PRKCE: variants seen among roughly 807,000 people sequenced by gnomAD.
PRKCE encodes the protein protein kinase C epsilon.
A neutral mutation model predicts 85.4 loss-of-function variants in PRKCE; 16 were observed. The observed-to-expected ratio is 0.19, with a 90% CI of 0.13 to 0.28. The LOEUF (loss-of-function observed/expected upper bound fraction) is 0.28, where lower values mean the gene tolerates loss of function less well. Among genes scored for constraint, PRKCE ranks in the 10% least tolerant of loss-of-function variants. PRKCE has a pLI of 1.00. For missense variants in PRKCE, 573 were observed against 975.2 expected (o/e 0.59, Z 5.49); for synonymous variants, 388 against 371.5 (o/e 1.04, Z -0.51).
chr2:45,776,202 C>T (rs1441681885), intron 1 of PRKCE, among the ~76,000 whole-genome samples: 1 of 152,204 alleles, frequency 6.6e-6, no homozygotes, highest in Non-Finnish European at 1.5e-5. Context: ...GAATTCTGTG[C>T]ATAACATGGG....
intron 2 of PRKCE, among the ~76,000 whole-genome samples, chr2:45,913,108 G>T (rs565701442): frequency 1.3e-5 from 2 of 152,358 alleles, no homozygotes; most frequent in South Asian, 4.1e-4. Context: ...AGAAGGTGCT[G>T]TCAGAGAGCA....
intron 10 of PRKCE, among the ~76,000 whole-genome samples, chr2:46,057,216 C>T (rs187861455): frequency 5.3e-5 from 8 of 152,288 alleles, no homozygotes; most frequent in African/African-American, 1.2e-4. Context: ...GTCTTCATGA[C>T]GTACTCTCAG....
chr2:45,970,672 T>C (rs1198833915), intron 2 of PRKCE, among the ~76,000 whole-genome samples: 4 of 152,060 alleles, frequency 2.6e-5, no homozygotes, highest in African/African-American at 4.8e-5. Flanking sequence ...TTGGGGAAAT[T>C]CAAATATGAA....
chr2:46,075,142 G>A (rs537927098), intron 10 of PRKCE, among the ~76,000 whole-genome samples: 2 of 152,080 alleles, frequency 1.3e-5, no homozygotes, highest in South Asian at 4.1e-4. Flanking sequence ...CTGGTTTCAC[G>A]CCGTTCTCCT....
chr2:45,820,037 A>G (rs569204248), intron 1 of PRKCE, among the ~76,000 whole-genome samples: 1 of 152,298 alleles, frequency 6.6e-6, no homozygotes, highest in African/African-American at 2.4e-5. Context: ...GTACTTTTAC[A>G]GGACTGAGAT....
intron 2 of PRKCE, among the ~76,000 whole-genome samples, chr2:45,885,001 A>ATATTT (rs1342824133): frequency 1.4e-5 from 1 of 71,544 alleles, no homozygotes; most frequent in Non-Finnish European, 2.7e-5. Flanking sequence ...ATATATATAT[A>ATATTT]TTTGTTGTTG....
At chr2:46,173,393 G>T (rs890445078) in intron 14 of PRKCE, among the ~76,000 whole-genome samples, 1 of 152,218 alleles carries the variant, frequency 6.6e-6, no homozygotes, top group Non-Finnish European at 1.5e-5. Flanking sequence ...GGCAACCCTT[G>T]CTCCAGGGGT....
chr2:45,778,783 C>A (rs909876798), intron 1 of PRKCE, among the ~76,000 whole-genome samples: 1 of 152,186 alleles, frequency 6.6e-6, no homozygotes, highest in Non-Finnish European at 1.5e-5. Flanking sequence ...ACAATACTGC[C>A]ACCTAGTGGG....
chr2:45,964,266 G>T (rs948412069), intron 2 of PRKCE, among the ~76,000 whole-genome samples: 1 of 152,190 alleles, frequency 6.6e-6, no homozygotes, highest in South Asian at 2.1e-4. Flanking sequence ...CTGTCCACAG[G>T]CCCGTTTTAA....
At chr2:45,838,469 C>G (rs1691075343) in intron 1 of PRKCE, among the ~76,000 whole-genome samples, 1 of 152,186 alleles carries the variant, frequency 6.6e-6, no homozygotes. Context: ...GTCAGAGGCA[C>G]AGTAGGTGTC....
intron 1 of PRKCE, among the ~76,000 whole-genome samples, chr2:45,716,096 G>T (rs1043480815): frequency 3.3e-5 from 5 of 152,206 alleles, no homozygotes; most frequent in African/African-American, 1.2e-4. Context: ...CTGCACTCGT[G>T]TGTTACTCAC....
chr2:45,885,265 T>C (rs1695209258), intron 2 of PRKCE, among the ~76,000 whole-genome samples: 1 of 152,084 alleles, frequency 6.6e-6, no homozygotes, highest in South Asian at 2.1e-4. Flanking sequence ...CCAGTTAAAT[T>C]TAATCACACC....
At chr2:45,960,915 A>G (rs1701331390) in intron 2 of PRKCE, among the ~76,000 whole-genome samples, 1 of 152,172 alleles carries the variant, frequency 6.6e-6, no homozygotes, top group African/African-American at 2.4e-5. Context: ...AGATTCACCT[A>G]TGTTGAACTT....
intron 6 of PRKCE, among the ~76,000 whole-genome samples, chr2:45,989,645 G>C (rs202186295): frequency 1.3e-5 from 1 of 76,074 alleles, no homozygotes; most frequent in Admixed American, 1.4e-4. Context: ...TCCTTTCCTT[G>C]TTTAAAAAAA....
chr2:45,661,711 T>G (rs1330027389), intron 1 of PRKCE, among the ~76,000 whole-genome samples: 5 of 149,702 alleles, frequency 3.3e-5, no homozygotes, highest in African/African-American at 1.2e-4. Context: ...TTTTTTTTTT[T>G]TGTATTTTTA....
chr2:45,849,704 C>T (rs973723454), intron 2 of PRKCE, among the ~76,000 whole-genome samples: 6 of 152,108 alleles, frequency 3.9e-5, no homozygotes, highest in African/African-American at 9.7e-5. Flanking sequence ...TGGCAGTGCA[C>T]GGAGCCCAGA....
chr2:46,125,187 C>G (rs17799476), intron 11 of PRKCE, among the ~76,000 whole-genome samples: 20,084 of 152,140 alleles, frequency 0.13, 1,740 homozygotes, highest in Middle Eastern at 0.22. Context: ...TTGGGAAGAG[C>G]ATTTGGGAAA....
intron 2 of PRKCE, among the ~76,000 whole-genome samples, chr2:45,872,863 A>G (rs947330426): frequency 6.6e-6 from 1 of 152,224 alleles, no homozygotes; most frequent in Non-Finnish European, 1.5e-5. Context: ...GGGCAGCGGC[A>G]GGCTGCAGAT....
chr2:45,818,721 G>A (rs951645864), intron 1 of PRKCE, among the ~76,000 whole-genome samples: 8 of 152,180 alleles, frequency 5.3e-5, no homozygotes, highest in Non-Finnish European at 8.8e-5. Flanking sequence ...GTTTTAACAC[G>A]AGGAGGTGGA....
Sources: allele counts gnomAD v4.1 joint callset (sites outside exome capture counted in the v4.1 genomes callset), GRCh38; gene constraint gnomAD v4.1.1; transcripts MANE v1.5; gene names NCBI Gene and HGNC (gene_info 2026-07-23, HGNC 2026-07-21).